Variants in NCKAP5 observed in about 807,000 individuals in gnomAD.
NCKAP5 encodes the protein nck-associated protein 5.
In NCKAP5, 92 loss-of-function variants were observed where a neutral mutation model predicts 167.0. That is an observed-to-expected ratio of 0.55 (90% CI 0.47 to 0.66). The LOEUF (loss-of-function observed/expected upper bound fraction) is 0.66, where lower values mean the gene tolerates loss of function less well. Ranked by LOEUF, NCKAP5 falls within the 30% of genes least tolerant of loss-of-function variation. The pLI, the probability that NCKAP5 is intolerant of heterozygous loss-of-function variation, is 0.00. For synonymous variants in NCKAP5, 891 were observed against 877.4 expected, an observed-to-expected ratio of 1.02 and a Z score of -0.27; for missense variants, 2,378 against 2,315.0, an observed-to-expected ratio of 1.03 and a Z score of -0.56.
At chr2:132,763,552 G>A (rs560520755) in intron 16 of NCKAP5, among the ~76,000 whole-genome samples, 12 of 152,328 alleles carry the variant, frequency 7.9e-5, no homozygotes, top group African/African-American at 2.6e-4. Context: ...AATATGGGGT[G>A]TGATTTTGGT....
At chr2:133,140,592 A>C (rs1356354103) in intron 5 of NCKAP5, among the ~76,000 whole-genome samples, 2 of 152,084 alleles carry the variant, frequency 1.3e-5, no homozygotes, top group East Asian at 3.8e-4. Context: ...CTCAACTCTG[A>C]TGTCTCTCTT....
At chr2:132,883,708 C>T (rs759262597) in intron 8 of NCKAP5, among the ~76,000 whole-genome samples, 1 of 152,204 alleles carries the variant, frequency 6.6e-6, no homozygotes, top group Non-Finnish European at 1.5e-5. Flanking sequence ...TCCCTGGGCA[C>T]ACACGCTGGC....
intron 8 of NCKAP5, among the ~76,000 whole-genome samples, chr2:132,896,821 G>C (rs1426209658): frequency 3.3e-5 from 5 of 152,104 alleles, no homozygotes; most frequent in Non-Finnish European, 7.4e-5. Flanking sequence ...TTGTAGTCTG[G>C]CATTTTAGAA....
In NCKAP5 at chr2:133,519,200, A is replaced by G. The variant is rs1033428760; in HGVS notation, c.-61-1613T>C. 9.2e-5 allele frequency among the ~76,000 whole-genome samples: 14 copies of G among 152,338 alleles called. No homozygotes were observed. In the East Asian group the frequency reaches 2.7e-3, roughly 29 times the overall value. ...TGAGAAACTGATGGGCTCATATTCC[A>G]GCTTAGGCTTCCTCCTCCATCTTAG... is the stretch of plus-strand genomic sequence containing the variant. On this transcript the variant is annotated intron_variant, in intron 2 of 19. Transcript: ENST00000409261.
chr2:132,998,232 T>C lies in NCKAP5; in HGVS notation c.342-3993A>G, dbSNP rs192275081. 2.0e-5 allele frequency among the ~76,000 whole-genome samples: 3 copies of C among 152,332 alleles called. No homozygotes were observed. The East Asian group carries it at 5.8e-4, about 29-fold the overall frequency. ...ATATCTTGCTAAATTATCTCTTCTG[T>C]AAAATTACAAGCTATAAACACAAGT... On this transcript the variant is annotated intron_variant, in intron 6 of 19. Coordinates refer to ENST00000409261, the MANE Select transcript of NCKAP5 (RefSeq NM_207363.3).
rs115913604 is a variant in NCKAP5, at chr2:133,234,863, C to G, written c.144-21084G>C. ...AAAAAATACATTTAGACACAGTAAG[C>G]AATTCATTCTTAAGTAAATATTTAT... On this transcript the variant is annotated intron_variant, in intron 4 of 19. Transcript: ENST00000409261. Among the ~76,000 whole-genome samples, 1,255 of 150,736 alleles carry G rather than the reference C, an allele frequency of 8.3e-3. 6 individuals carry two copies. The highest frequency in any genetic ancestry group is 0.013 in the Non-Finnish European group (853 of 67,622).
chr2:133,620,342 A>G, the NCKAP5 span, among the ~76,000 whole-genome samples: 2 of 152,118 alleles, frequency 1.3e-5, no homozygotes, highest in Admixed American at 6.6e-5. Flanking sequence ...ATGGAGAATA[A>G]TACGTCAACC....
chr2:133,243,247 T>C (rs546845153), intron 4 of NCKAP5, among the ~76,000 whole-genome samples: 20 of 152,250 alleles, frequency 1.3e-4, no homozygotes, highest in African/African-American at 1.9e-4. Flanking sequence ...GAGAGAACCT[T>C]TCCTGTAAGT....
At chr2:133,074,078 T>C in intron 6 of NCKAP5, among the ~76,000 whole-genome samples, 1 of 152,230 alleles carries the variant, frequency 6.6e-6, no homozygotes, top group East Asian at 1.9e-4. Context: ...CCTCTAACCA[T>C]ATCTTTGTTC....
intron 4 of NCKAP5, among the ~76,000 whole-genome samples, chr2:133,248,242 C>G (rs1292575888): frequency 6.6e-6 from 1 of 151,988 alleles, no homozygotes; most frequent in Admixed American, 6.5e-5. Flanking sequence ...TCTGCACTGC[C>G]TCTGTTTGGG....
At chr2:133,098,416 T>C (rs2081407927) in intron 6 of NCKAP5, among the ~76,000 whole-genome samples, 1 of 152,236 alleles carries the variant, frequency 6.6e-6, no homozygotes, top group Non-Finnish European at 1.5e-5. Context: ...TGATTAATGA[T>C]ACTGCAGTGA....
At chr2:133,606,935 T>C in the NCKAP5 span, among the ~76,000 whole-genome samples, 7 of 152,254 alleles carry the variant, frequency 4.6e-5, no homozygotes, top group South Asian at 6.2e-4. Flanking sequence ...ACAGCTCCAC[T>C]GGTGTCCAGA....
chr2:133,306,880 A>T (rs113719481), intron 3 of NCKAP5, among the ~76,000 whole-genome samples: 2 of 152,170 alleles, frequency 1.3e-5, no homozygotes, highest in African/African-American at 2.4e-5. Flanking sequence ...CTCTTCTCCT[A>T]TTTCTACAGT....
intron 2 of NCKAP5, among the ~76,000 whole-genome samples, chr2:133,523,474 G>T (rs1684636445): frequency 6.6e-6 from 1 of 152,126 alleles, no homozygotes; most frequent in Non-Finnish European, 1.5e-5. Flanking sequence ...AATGCCAAAA[G>T]GGCTCTCTTG....
At chr2:133,209,904 A>C (rs1447462175) in intron 5 of NCKAP5, among the ~76,000 whole-genome samples, 1 of 152,116 alleles carries the variant, frequency 6.6e-6, no homozygotes, top group African/African-American at 2.4e-5. Context: ...GTGGTGGCTT[A>C]TGCCTGTAAT....
At chr2:132,768,239 A>C (rs1209784256) in intron 16 of NCKAP5, among the ~76,000 whole-genome samples, 1 of 152,168 alleles carries the variant, frequency 6.6e-6, no homozygotes, top group Non-Finnish European at 1.5e-5. Flanking sequence ...CTGCTTCAAT[A>C]ATATTCTTCC....
At chr2:133,448,027 T>C (rs1691313133) in intron 3 of NCKAP5, among the ~76,000 whole-genome samples, 1 of 152,108 alleles carries the variant, frequency 6.6e-6, no homozygotes. Context: ...AAACATGTCA[T>C]AAATAGGCTA....
the NCKAP5 span, among the ~76,000 whole-genome samples, chr2:133,608,403 T>G: frequency 3.3e-5 from 5 of 152,214 alleles, no homozygotes; most frequent in African/African-American, 1.2e-4. Flanking sequence ...ACAGTCCTGA[T>G]ACTTCTTTGG....
intron 11 of NCKAP5, among the ~76,000 whole-genome samples, chr2:132,799,000 C>A (rs1001877192): frequency 6.6e-6 from 1 of 151,938 alleles, no homozygotes; most frequent in Admixed American, 6.6e-5. Context: ...ACGGAATCAA[C>A]CTAGGTGCAA....
Sources: allele counts gnomAD v4.1 joint callset (sites outside exome capture counted in the v4.1 genomes callset), GRCh38; gene constraint gnomAD v4.1.1; transcripts MANE v1.5; gene names NCBI Gene and HGNC (gene_info 2026-07-23, HGNC 2026-07-21).